PTCHD1: variants seen among roughly 807,000 people sequenced by gnomAD.
PTCHD1 encodes patched domain-containing protein 1.
In PTCHD1, 3 loss-of-function variants were observed where a neutral mutation model predicts 34.6. The observed-to-expected ratio is 0.09, with a 90% confidence interval of 0.04 to 0.22. The LOEUF (loss-of-function observed/expected upper bound fraction) is 0.22. Ranked by LOEUF, PTCHD1 falls within the 10% of genes least tolerant of loss-of-function variation. PTCHD1 has a pLI of 1.00. For missense variants in PTCHD1, 504 were observed against 685.5 expected, an observed-to-expected ratio of 0.74 and a Z score of 2.96; for synonymous variants, 305 against 283.1, an observed-to-expected ratio of 1.08 and a Z score of -0.77.
chrX:23,377,418 C>A (rs1922438155), intron 1 of PTCHD1, among the ~76,000 whole-genome samples: 1 of 111,931 alleles, frequency 8.9e-6, no homozygotes, highest in Non-Finnish European at 1.9e-5. Flanking sequence ...ACTAGGAGTT[C>A]TTTTAATCAA....
chrX:23,380,595 T>C (rs1409712018), intron 2 of PTCHD1, among the ~76,000 whole-genome samples: 1 of 111,465 alleles, frequency 9.0e-6, no homozygotes, highest in African/African-American at 3.3e-5. Flanking sequence ...GTAGTGTATT[T>C]GGGAGGTGAG....
intron 2 of PTCHD1, among the ~76,000 whole-genome samples, chrX:23,382,337 T>C (rs2141240): frequency 0.063 from 7,114 of 112,947 alleles, 241 homozygotes; most frequent in Non-Finnish European, 0.095. Context: ...AATGAAATTG[T>C]AATATTCAAA....
chrX:23,379,066 A>G (rs756742074), intron 1 of PTCHD1, among the ~76,000 whole-genome samples: 1 of 111,986 alleles, frequency 8.9e-6, no homozygotes, highest in African/African-American at 3.2e-5. Flanking sequence ...TGCCCTGCAA[A>G]TCGGCATTAA....
At position 23,342,325 on chromosome X, in the gene PTCHD1, TTTTTTTTA is replaced by T. The variant is rs1236849654; in HGVS notation, c.351+7100_351+7107del. Reference sequence around the variant, plus strand: ...ATATATATATATTTTTTTTTTTTTTTTTTTTTTAAAAGAATTGGGTACAGAGCTACAGG... The same window carrying T: ...ATATATATATATTTTTTTTTTTTTTTAAAGAATTGGGTACAGAGCTACAGG... On this transcript the variant is annotated intron_variant, in intron 1 of 2. Coordinates refer to ENST00000379361, the MANE Select transcript of PTCHD1 (RefSeq NM_173495.3). 7.7e-3 allele frequency among the ~76,000 whole-genome samples: 368 copies of T among 47,675 alleles called. 5 individuals carry two copies. The highest frequency in any genetic ancestry group is 0.036 in the African/African-American group (347 of 9,773). The allele number at this position is 47,675 out of a possible 115,157, so 41.4% of individuals were successfully genotyped here.
rs149531172 is a variant in PTCHD1, at chrX:23,389,417, T to G, written c.1013-3114T>G. Among the ~76,000 whole-genome samples, 1,008 of 112,022 alleles carry G rather than the reference T, an allele frequency of 9.0e-3. 9 individuals are homozygous for G. Among genetic ancestry groups the G allele is most frequent in the African/African-American group, 0.03 (932 of 30,821 alleles). On this transcript the variant is annotated intron_variant, in intron 2 of 2. Transcript: ENST00000379361. ...GTGACCACAGCTATGTTAGCACTTG[T>G]CCCTCCCTTGACTGACAAACCTTCA...
At chrX:23,381,975 T>A (rs1039369192) in intron 2 of PTCHD1, among the ~76,000 whole-genome samples, 2 of 111,976 alleles carry the variant, frequency 1.8e-5, no homozygotes, top group East Asian at 5.6e-4. Context: ...CAATCTTGAA[T>A]GTTTTGGGGG....
chrX:23,366,047 T>C (rs1370969424), intron 1 of PTCHD1, among the ~76,000 whole-genome samples: 3 of 112,465 alleles, frequency 2.7e-5, no homozygotes. Flanking sequence ...ATCAGTACCA[T>C]GGAGCTGAAA....
intron 1 of PTCHD1, among the ~76,000 whole-genome samples, chrX:23,377,260 T>C (rs1245573174): frequency 8.9e-6 from 1 of 112,624 alleles, no homozygotes; most frequent in African/African-American, 3.2e-5. Context: ...CACTTAGGCA[T>C]GCTTTCAATA....
At chrX:23,356,593 T>C (rs1921810193) in intron 1 of PTCHD1, among the ~76,000 whole-genome samples, 1 of 111,706 alleles carries the variant, frequency 9.0e-6, no homozygotes, top group South Asian at 3.8e-4. Flanking sequence ...GGTAAATCCC[T>C]TCCAGCCTCA....
chrX:23,393,847 C>A lies in PTCHD1; in HGVS notation c.2329C>A (p.Leu777Met), dbSNP rs193277496. 1 of 1,209,473 alleles carries A rather than the reference C, an allele frequency of 8.3e-7. No homozygotes were observed. Among genetic ancestry groups the A allele is most frequent in the East Asian group, 3.0e-5 (1 of 33,759 alleles). Reference protein sequence around the residue: ...NCAPMLSTFVLGKDFTRTKWV... With the variant: ...NCAPMLSTFVMGKDFTRTKWV... ...TGCTCCAATGTTATCCACATTTGTTCTGGGCAAGGATTTCACAAGAACTAA... is the reference window on the plus strand; with the variant it reads ...TGCTCCAATGTTATCCACATTTGTTATGGGCAAGGATTTCACAAGAACTAA... Residue 777 changes from leucine (L) to methionine (M), a missense_variant, in exon 3 of 3, where the codon CTG (leucine) becomes ATG (methionine). By Grantham distance (15) the Leu-to-Met change is conservative. Transcript: ENST00000379361.
At chrX:23,352,663 T>C (rs887395022) in intron 1 of PTCHD1, among the ~76,000 whole-genome samples, 8 of 111,338 alleles carry the variant, frequency 7.2e-5, no homozygotes, top group African/African-American at 2.3e-4. Context: ...ATCTCAGTGG[T>C]TCTCAACCCT....
intron 2 of PTCHD1, among the ~76,000 whole-genome samples, chrX:23,383,317 T>G (rs1000949020): frequency 1.8e-5 from 2 of 112,224 alleles, no homozygotes; most frequent in African/African-American, 6.5e-5. Context: ...TCAATAGGTC[T>G]ATACTGTGAT....
At chrX:23,358,660 C>T (rs1921882403) in intron 1 of PTCHD1, among the ~76,000 whole-genome samples, 1 of 111,857 alleles carries the variant, frequency 8.9e-6, no homozygotes, top group Non-Finnish European at 1.9e-5. Context: ...AATTAGACCC[C>T]ATTTGTCTAT....
chrX:23,349,706 T>A lies in PTCHD1; in HGVS notation c.351+14480T>A, dbSNP rs184276212. Among the ~76,000 whole-genome samples the A allele has an allele frequency of 5.7e-3, 636 of 111,485 alleles. 6 individuals carry two copies. Among genetic ancestry groups the A allele is most frequent in the African/African-American group, 0.013 (396 of 30,704 alleles). ...AGAACTGAAAGGAGAAATAGACAAA[T>A]CCACTATTATAGTTGGAGACTTCAA... On this transcript the variant is annotated intron_variant, in intron 1 of 2. Coordinates refer to ENST00000379361, the MANE Select transcript of PTCHD1 (RefSeq NM_173495.3).
chrX:23,351,161 A>C, intron 1 of PTCHD1: 1 of 637,319 alleles, frequency 1.6e-6, no homozygotes, highest in Non-Finnish European at 2.5e-6. Flanking sequence ...GGAGCCATGA[A>C]TACTGTCCAA....
At chrX:23,357,365 A>G (rs1350638284) in intron 1 of PTCHD1, among the ~76,000 whole-genome samples, 3 of 111,954 alleles carry the variant, frequency 2.7e-5, no homozygotes, top group African/African-American at 6.5e-5. Context: ...GAATGGTAAA[A>G]AATTAAAAAG....
At chrX:23,364,115 A>C (rs1336607232) in intron 1 of PTCHD1, among the ~76,000 whole-genome samples, 1 of 111,235 alleles carries the variant, frequency 9.0e-6, no homozygotes, top group Non-Finnish European at 1.9e-5. Flanking sequence ...AGTGTATTCT[A>C]CGTGATTCCA....
intron 1 of PTCHD1, among the ~76,000 whole-genome samples, chrX:23,358,362 G>A (rs775012398): frequency 8.9e-6 from 1 of 111,771 alleles, no homozygotes; most frequent in African/African-American, 3.3e-5. Context: ...TAACTGGTGT[G>A]AGATGGTATC....
chrX:23,371,633 C>T (rs892580473), intron 1 of PTCHD1, among the ~76,000 whole-genome samples: 8 of 110,816 alleles, frequency 7.2e-5, no homozygotes, highest in South Asian at 3.9e-4. Flanking sequence ...AGGGGATATG[C>T]GCAGGGCCCA....
Sources: gnomAD v4.1 joint callset for allele counts (sites outside exome capture counted in the v4.1 genomes callset) on GRCh38, gnomAD v4.1.1 for gene constraint, MANE v1.5 for transcripts, NCBI Gene and HGNC (gene_info 2026-07-23, HGNC 2026-07-21) for gene names.